Variants in SLC25A21 observed in about 807,000 individuals in gnomAD.
SLC25A21 encodes the protein solute carrier family 25 member 21.
A neutral mutation model predicts 43.8 loss-of-function variants in SLC25A21; 47 were observed. The ratio of observed to expected loss-of-function variants is 1.07; its 90% CI spans 0.85 to 1.37. SLC25A21 has a LOEUF of 1.37. Ranked by LOEUF, SLC25A21 falls within the 40% of genes most tolerant of loss-of-function variation. SLC25A21 has a pLI of 0.00. For missense variants in SLC25A21, 352 were observed against 350.2 expected (o/e 1.00, Z -0.04); for synonymous variants, 131 against 121.3 (o/e 1.08, Z -0.52).
At chr14:37,155,133 C>T (rs141489697) in intron 1 of SLC25A21, among the ~76,000 whole-genome samples, 5,213 of 151,172 alleles carry the variant, frequency 0.034, 304 homozygotes, top group African/African-American at 0.12. Context: ...TGCAGTGGCA[C>T]GATCTCAGCT....
intron 1 of SLC25A21, among the ~76,000 whole-genome samples, chr14:37,064,093 G>C (rs891225514): frequency 3.9e-5 from 6 of 152,160 alleles, no homozygotes; most frequent in African/African-American, 1.4e-4. Context: ...AATGTGAGCA[G>C]GTGCCATCTA....
At chr14:36,833,462 G>T (rs1305434765) in intron 2 of SLC25A21, among the ~76,000 whole-genome samples, 1 of 152,142 alleles carries the variant, frequency 6.6e-6, no homozygotes, top group Non-Finnish European at 1.5e-5. Flanking sequence ...CTAAACTTGT[G>T]ATCTTTAAAC....
At position 36,875,061 on chromosome 14, in the gene SLC25A21, C is replaced by T. The variant is rs1890480894; in HGVS notation, c.71-57G>A. ...CTTATGTAAACACTGGTTCTTATTTCCTTGATCCCGTCGATTTCTCGAGTG... is the reference window on the plus strand; with the variant it reads ...CTTATGTAAACACTGGTTCTTATTTTCTTGATCCCGTCGATTTCTCGAGTG... On this transcript the variant is annotated intron_variant, in intron 1 of 9. Coordinates refer to ENST00000331299, the MANE Select transcript of SLC25A21 (RefSeq NM_030631.4). 3.5e-6 allele frequency: 5 copies of T among 1,442,004 alleles called. No individual in the cohort carries two copies. The Admixed American group carries it at 8.8e-5, about 25-fold the overall frequency. 89.3% of individuals were successfully genotyped at this position (1,442,004 alleles called of 1,614,324 possible).
intron 3 of SLC25A21, among the ~76,000 whole-genome samples, chr14:36,791,938 C>T (rs1470075295): frequency 6.6e-6 from 1 of 152,088 alleles, no homozygotes; most frequent in African/African-American, 2.4e-5. Context: ...GTGCTGGATA[C>T]ATGGGTTTCT....
At position 37,016,742 on chromosome 14, in the gene SLC25A21, A is replaced by G. The variant is rs186700273; in HGVS notation, c.71-141738T>C. Among the ~76,000 whole-genome samples, 361 of 152,214 alleles carry G rather than the reference A, an allele frequency of 2.4e-3. 1 individual carries two copies. The highest frequency in any genetic ancestry group is 8.0e-3 in the African/African-American group (333 of 41,568). ...GCTGTTTCATCTACATCGAAAATCT[A>G]TTGCTTACTGTAGCCACCTTCATCA... On this transcript the variant is annotated intron_variant, in intron 1 of 9. Transcript: ENST00000331299.
chr14:36,848,596 C>A (rs533381036), intron 2 of SLC25A21, among the ~76,000 whole-genome samples: 1 of 152,084 alleles, frequency 6.6e-6, no homozygotes, highest in Non-Finnish European at 1.5e-5. Context: ...CATCTACTCT[C>A]GGTAGAAATG....
Position 36,813,408 on chromosome 14 carries a change from G to A in SLC25A21, c.203+510C>T, listed in dbSNP as rs145633458. Among the ~76,000 whole-genome samples, 330 of 151,324 alleles carry A rather than the reference G, an allele frequency of 2.2e-3. 1 individual carries two copies. The highest frequency in any genetic ancestry group is 7.6e-3 in the African/African-American group (312 of 41,252). ...AGACAGTCTTGCTGTCACCCAGGCC[G>A]GAGTGCAGTGGCGCAATCCTAACTC... On this transcript the variant is annotated intron_variant, in intron 3 of 9. Coordinates refer to ENST00000331299, the MANE Select transcript of SLC25A21 (RefSeq NM_030631.4).
intron 1 of SLC25A21, among the ~76,000 whole-genome samples, chr14:36,894,682 T>C (rs1891185257): frequency 1.3e-5 from 2 of 152,328 alleles, no homozygotes; most frequent in South Asian, 2.1e-4. Flanking sequence ...GGGTTTGTCA[T>C]AGATAGCTCC....
At chr14:37,119,317 G>C (rs1193251715) in intron 1 of SLC25A21, among the ~76,000 whole-genome samples, 2 of 152,166 alleles carry the variant, frequency 1.3e-5, no homozygotes, top group Non-Finnish European at 2.9e-5. Flanking sequence ...GGGAAGCTGA[G>C]GCAGGTGGAT....
intron 3 of SLC25A21, among the ~76,000 whole-genome samples, chr14:36,750,748 A>T (rs960929234): frequency 6.6e-6 from 1 of 152,222 alleles, no homozygotes; most frequent in Admixed American, 6.5e-5. Flanking sequence ...ACGCTAATGA[A>T]GTAGGGCTGC....
At chr14:37,086,607 A>G (rs1207426841) in intron 1 of SLC25A21, among the ~76,000 whole-genome samples, 1 of 152,184 alleles carries the variant, frequency 6.6e-6, no homozygotes, top group South Asian at 2.1e-4. Flanking sequence ...TCACATCTCC[A>G]ATGTACCACT....
intron 2 of SLC25A21, among the ~76,000 whole-genome samples, chr14:36,844,793 C>T (rs897678135): frequency 3.3e-5 from 5 of 152,144 alleles, no homozygotes; most frequent in African/African-American, 1.2e-4. Context: ...TCATGCAGCT[C>T]AGTAATAAAG....
At chr14:37,020,072 A>G (rs1960950831) in intron 1 of SLC25A21, among the ~76,000 whole-genome samples, 2 of 151,992 alleles carry the variant, frequency 1.3e-5, no homozygotes, top group African/African-American at 2.4e-5. Flanking sequence ...ATAAATTCAA[A>G]TACATTCTAA....
chr14:37,112,285 G>A (rs1446906892), intron 1 of SLC25A21, among the ~76,000 whole-genome samples: 2 of 152,084 alleles, frequency 1.3e-5, no homozygotes, highest in Non-Finnish European at 2.9e-5. Context: ...CGGACCACTG[G>A]AGAACACTAG....
chr14:37,099,050 G>C (rs1055503669), intron 1 of SLC25A21, among the ~76,000 whole-genome samples: 1 of 151,988 alleles, frequency 6.6e-6, no homozygotes, highest in African/African-American at 2.4e-5. Flanking sequence ...TGATCCGCCT[G>C]CCTCGGCCTC....
chr14:36,779,494 C>A (rs1886962999), intron 3 of SLC25A21, among the ~76,000 whole-genome samples: 2 of 140,384 alleles, frequency 1.4e-5, no homozygotes, highest in African/African-American at 2.6e-5. Context: ...TAATAATAAA[C>A]ATATTCCTAT....
chr14:36,728,296 T>C (rs1884679626), intron 5 of SLC25A21, among the ~76,000 whole-genome samples: 1 of 152,226 alleles, frequency 6.6e-6, no homozygotes. Flanking sequence ...TCTGTTTCAA[T>C]TCTCAAGAGT....
intron 2 of SLC25A21, among the ~76,000 whole-genome samples, chr14:36,821,789 C>T (rs1444357579): frequency 1.3e-5 from 2 of 152,158 alleles, no homozygotes; most frequent in Non-Finnish European, 2.9e-5. Flanking sequence ...TGCACTCCAG[C>T]CTGGACGACA....
intron 1 of SLC25A21, among the ~76,000 whole-genome samples, chr14:37,058,154 T>G (rs557110949): frequency 3.9e-5 from 6 of 152,244 alleles, no homozygotes; most frequent in Non-Finnish European, 7.3e-5. Context: ...GAAAATTGTT[T>G]TCTGCACTTA....
Sources: allele counts gnomAD v4.1 joint callset (sites outside exome capture counted in the v4.1 genomes callset), GRCh38; gene constraint gnomAD v4.1.1; transcripts MANE v1.5; gene names NCBI Gene and HGNC (gene_info 2026-07-23, HGNC 2026-07-21).